Variants in DPY19L4 observed in about 807,000 individuals in gnomAD.
The protein encoded by DPY19L4 is dpy-19 like 4.
A neutral mutation model predicts 102.8 loss-of-function variants in DPY19L4; 97 were observed. That is an observed-to-expected ratio of 0.94 (90% confidence interval 0.80 to 1.12). DPY19L4 has a LOEUF of 1.12. Among genes scored for constraint, DPY19L4 ranks in the 50% most tolerant of loss-of-function variants. The pLI, the probability that DPY19L4 is intolerant of heterozygous loss-of-function variation, is 0.00. For missense variants in DPY19L4, 815 were observed against 850.4 expected, an observed-to-expected ratio of 0.96 and a Z score of 0.52; for synonymous variants, 252 against 283.1, an observed-to-expected ratio of 0.89 and a Z score of 1.10.
rs185823273 is a variant in DPY19L4, at chr8:94,790,222, C to T, written c.*312C>T. On this transcript the variant is annotated 3_prime_UTR_variant, in exon 19 of 19. Coordinates refer to ENST00000414645, the MANE Select transcript of DPY19L4 (RefSeq NM_181787.3). ...ATCTTCATTCTATTATAATATTGAT[C>T]TTGAATTTGAATATGTGCAAGGTCA... 110 of 176,416 alleles carry T rather than the reference C, an allele frequency of 6.2e-4. No individual in the cohort carries two copies. Among genetic ancestry groups the T allele is most frequent in the African/African-American group, 2.4e-3 (103 of 42,486 alleles). The allele number at this position is 176,416 out of a possible 1,614,324, so 10.9% of individuals were successfully genotyped here. A position where few individuals can be genotyped will look rare whatever the true frequency, so the allele number is the denominator to read the frequency against.
Position 94,735,004 on chromosome 8 carries a change from T to C in DPY19L4, c.252+250T>C, listed in dbSNP as rs894584582. On this transcript the variant is annotated intron_variant, in intron 3 of 18. Coordinates refer to ENST00000414645, the MANE Select transcript of DPY19L4 (RefSeq NM_181787.3). ...GACTTTTGATGACAGTGAAATGTTATGGAGTTTAGTCAGCCTTTTCATAGT... is the reference window on the plus strand; with the variant it reads ...GACTTTTGATGACAGTGAAATGTTACGGAGTTTAGTCAGCCTTTTCATAGT... Among the ~76,000 whole-genome samples the C allele has an allele frequency of 2.6e-5, 4 of 152,212 alleles. No homozygotes were observed. In the South Asian group the frequency reaches 6.2e-4, roughly 24 times the overall value.
In DPY19L4 at chr8:94,783,526, A is replaced by G. The variant is rs1813522690; in HGVS notation, c.1716-144A>G. On this transcript the variant is annotated intron_variant, in intron 16 of 18. Transcript: ENST00000414645. ...GTGCCCAATTTTTTTGAATGAATCCATGAATGAAATGAAATGAAAACTGGC... is the reference window on the plus strand; with the variant it reads ...GTGCCCAATTTTTTTGAATGAATCCGTGAATGAAATGAAATGAAAACTGGC... 5.0e-6 allele frequency: 6 copies of G among 1,197,430 alleles called. No individual in the cohort carries two copies. In the South Asian group the frequency reaches 8.7e-5, roughly 17 times the overall value. The allele number at this position is 1,197,430 out of a possible 1,614,324, so 74.2% of individuals were successfully genotyped here.
chr8:94,787,905 C>G lies in DPY19L4; in HGVS notation c.1860C>G (p.Ile620Met), dbSNP rs778646672. Residue 620 changes from isoleucine (I) to methionine (M), a missense_variant, in exon 18 of 19, where the codon ATC (isoleucine) becomes ATG (methionine). Transcript: ENST00000414645. Reference protein sequence around the residue: ...LLKRNENIYQIYSKRSAEDIY... With the variant: ...LLKRNENIYQMYSKRSAEDIY... ...TTATATTCTTTCAGATCTACCAAAT[C>G]TATTCAAAGCGATCTGCTGAGGATA... The G allele has an allele frequency of 5.8e-6, 8 of 1,389,666 alleles. No individual in the cohort carries two copies. Among genetic ancestry groups the G allele is most frequent in the Non-Finnish European group, 7.5e-6 (8 of 1,066,538 alleles). The allele number at this position is 1,389,666 out of a possible 1,614,324, so 86.1% of individuals were successfully genotyped here. A position where few individuals can be genotyped will look rare whatever the true frequency, so the allele number is the denominator to read the frequency against.
chr8:94,766,879 A>G (rs1201726783), intron 11 of DPY19L4, among the ~76,000 whole-genome samples, 194 bp downstream of exon 11: 2 of 151,560 alleles, frequency 1.3e-5, no homozygotes, highest in Admixed American at 6.6e-5. Flanking sequence ...CCCCATCTCT[A>G]AAAAAAAGAC....
At chr8:94,765,155 C>T (rs754689543) in intron 8 of DPY19L4, 28 bp from the exon 9 acceptor site, 4 of 1,349,948 alleles carry the variant, frequency 3.0e-6, no homozygotes, top group Non-Finnish European at 4.1e-6. Context: ...ATAACTTATT[C>T]TCACTTATTT....
intron 13 of DPY19L4, 125 bp from the exon 14 acceptor site, chr8:94,777,541 C>A: frequency 1.6e-6 from 2 of 1,232,938 alleles, no homozygotes; most frequent in Non-Finnish European, 2.2e-6. Context: ...AGAGTCTAAG[C>A]TTTTTCACTG....
chr8:94,743,336 T>C (rs1240445514), intron 6 of DPY19L4, among the ~76,000 whole-genome samples: 2 of 152,102 alleles, frequency 1.3e-5, no homozygotes, highest in African/African-American at 4.8e-5. Context: ...AGCCAATTCT[T>C]GTATTTTAAA....
chr8:94,720,307 G>C, intron 1 of DPY19L4: 6 of 960,734 alleles, frequency 6.2e-6, no homozygotes, highest in Non-Finnish European at 7.4e-6. Context: ...AAGAGGGAGG[G>C]TCCTGATCAG....
intron 2 of DPY19L4, among the ~76,000 whole-genome samples, chr8:94,729,908 C>A (rs1049137378): frequency 6.6e-6 from 1 of 151,728 alleles, no homozygotes; most frequent in Non-Finnish European, 1.5e-5. Flanking sequence ...CTAGAAATAT[C>A]GATTACAAAA....
intron 14 of DPY19L4, among the ~76,000 whole-genome samples, chr8:94,778,996 T>G (rs1278851241): frequency 1.3e-5 from 2 of 152,124 alleles, no homozygotes; most frequent in Admixed American, 1.3e-4. Flanking sequence ...AATTGGGATG[T>G]GTCTGCCTCA....
In DPY19L4 at chr8:94,736,739, A is replaced by G. The variant is rs1811204852; in HGVS notation, c.253-1630A>G. On this transcript the variant is annotated intron_variant, in intron 3 of 18. Transcript: ENST00000414645. ...ACCTCTGGAAGTTCATGTGAAGAGC[A>G]CTGATTAAGTATCTGCTGCTCTTGC... 2.6e-5 allele frequency among the ~76,000 whole-genome samples: 4 copies of G among 152,354 alleles called. No individual in the cohort carries two copies. The South Asian group carries it at 8.3e-4, about 32-fold the overall frequency.
intron 18 of DPY19L4, among the ~76,000 whole-genome samples, chr8:94,789,396 T>C (rs1398809913): frequency 1.3e-5 from 2 of 152,160 alleles, no homozygotes; most frequent in African/African-American, 4.8e-5. Flanking sequence ...AGTGAATATA[T>C]TTAGGAATAT....
intron 14 of DPY19L4, 38 bp from the exon 15 acceptor site, chr8:94,780,321 T>C: frequency 9.3e-6 from 13 of 1,405,104 alleles, no homozygotes; most frequent in Non-Finnish European, 1.2e-5. Flanking sequence ...TGTTCTGAAA[T>C]GTATTTATTT....
At chr8:94,752,580 C>G (rs1156869577) in intron 6 of DPY19L4, among the ~76,000 whole-genome samples, 1 of 86,530 alleles carries the variant, frequency 1.2e-5, no homozygotes, top group Non-Finnish European at 2.2e-5. Context: ...AGTGAGACTC[C>G]ATCTCAAAAA....
intron 3 of DPY19L4, among the ~76,000 whole-genome samples, chr8:94,737,776 CTG>C (rs1264656011): frequency 1.7e-5 from 2 of 117,978 alleles, no homozygotes; most frequent in East Asian, 4.2e-4. Context: ...GAGCAAGACT[CTG>C]TTTCAAACAA....
intron 13 of DPY19L4, among the ~76,000 whole-genome samples, chr8:94,775,168 CAA>C (rs1197152204): frequency 2.0e-5 from 3 of 150,208 alleles, no homozygotes; most frequent in Non-Finnish European, 4.4e-5. Context: ...CAGCTGCAAA[CAA>C]GAGCAGAGCT....
At chr8:94,755,882 C>T (rs951234759) in intron 6 of DPY19L4, among the ~76,000 whole-genome samples, 154 bp from the exon 7 acceptor site, 1 of 150,644 alleles carries the variant, frequency 6.6e-6, no homozygotes, top group African/African-American at 2.4e-5. Flanking sequence ...GAGACTCCAT[C>T]TCAAAAAAAA....
chr8:94,767,705 C>G (rs1812741132), intron 11 of DPY19L4, among the ~76,000 whole-genome samples: 2 of 152,118 alleles, frequency 1.3e-5, no homozygotes, highest in Non-Finnish European at 2.9e-5. Context: ...GTAGGTATCT[C>G]TTTTTAAAAT....
intron 8 of DPY19L4, among the ~76,000 whole-genome samples, chr8:94,763,340 AT>A (rs1812481904): frequency 2.1e-5 from 1 of 46,600 alleles, no homozygotes; most frequent in African/African-American, 8.6e-5. Context: ...TTTTATTTTT[AT>A]TTATTTTTAC....
Sources: allele counts gnomAD v4.1 joint callset (sites outside exome capture counted in the v4.1 genomes callset), GRCh38; gene constraint gnomAD v4.1.1; transcripts MANE v1.5; gene names NCBI Gene and HGNC (gene_info 2026-07-23, HGNC 2026-07-21).